AGBL4: variants seen among roughly 807,000 people sequenced by gnomAD.
AGBL4 encodes the protein cytosolic carboxypeptidase 6.
AGBL4 carries 58 observed loss-of-function variants against 66.4 expected under a neutral mutation model. The observed-to-expected ratio is 0.87, with a 90% confidence interval of 0.71 to 1.09. The LOEUF (loss-of-function observed/expected upper bound fraction) is 1.09. AGBL4 is among the 50% of genes least tolerant of loss of function. The pLI, the probability that AGBL4 is intolerant of heterozygous loss-of-function variation, is 0.00. For synonymous variants in AGBL4, 234 were observed against 222.9 expected (o/e 1.05, Z -0.44); for missense variants, 579 against 631.0 (o/e 0.92, Z 0.88).
At chr1:49,297,796 C>T (rs1644670398) in intron 3 of AGBL4, among the ~76,000 whole-genome samples, 1 of 152,142 alleles carries the variant, frequency 6.6e-6, no homozygotes, top group African/African-American at 2.4e-5. Flanking sequence ...GTCCAAGTAC[C>T]TAAGCCTATT....
chr1:49,556,542 A>T (rs1017246429), intron 3 of AGBL4, among the ~76,000 whole-genome samples: 1 of 150,874 alleles, frequency 6.6e-6, no homozygotes, highest in Non-Finnish European at 1.5e-5. Flanking sequence ...ATATAAACAA[A>T]TCTTTAGCTA....
chr1:49,834,228 G>A (rs1183724693), intron 2 of AGBL4, among the ~76,000 whole-genome samples: 1 of 151,950 alleles, frequency 6.6e-6, no homozygotes, highest in African/African-American at 2.4e-5. Flanking sequence ...TTTTTTGGTT[G>A]GTACATTATT....
intron 5 of AGBL4, among the ~76,000 whole-genome samples, chr1:48,980,044 A>C (rs1659621571): frequency 6.6e-6 from 1 of 152,162 alleles, no homozygotes; most frequent in South Asian, 2.1e-4. Context: ...AAGGTGATAC[A>C]AATATTACAT....
intron 3 of AGBL4, among the ~76,000 whole-genome samples, chr1:49,382,229 G>C (rs1644633031): frequency 6.6e-6 from 1 of 152,026 alleles, no homozygotes; most frequent in African/African-American, 2.4e-5. Flanking sequence ...ACGAGAACAA[G>C]ATAAGAAATA....
At chr1:49,149,920 G>A (rs897684788) in intron 4 of AGBL4, among the ~76,000 whole-genome samples, 6 of 151,990 alleles carry the variant, frequency 3.9e-5, no homozygotes, top group Middle Eastern at 3.2e-3. Context: ...AGATGGCTCC[G>A]GATACTTCAC....
intron 4 of AGBL4, among the ~76,000 whole-genome samples, chr1:49,220,419 C>T (rs1469014678): frequency 6.6e-6 from 1 of 152,102 alleles, no homozygotes; most frequent in Non-Finnish European, 1.5e-5. Context: ...TCCTTAACCT[C>T]TTTGAGATTC....
At chr1:49,198,745 C>T (rs763409734) in intron 4 of AGBL4, among the ~76,000 whole-genome samples, 6 of 150,624 alleles carry the variant, frequency 4.0e-5, no homozygotes, top group South Asian at 4.2e-4. Context: ...TAAAAACTTG[C>T]GTTTTTTTTT....
chr1:48,800,170 T>C (rs58069898), intron 6 of AGBL4, among the ~76,000 whole-genome samples: 88 of 152,342 alleles, frequency 5.8e-4, no homozygotes, highest in African/African-American at 2.0e-3. Flanking sequence ...ATTGTTTCAA[T>C]CTCACCATTT....
intron 1 of AGBL4, among the ~76,000 whole-genome samples, chr1:49,857,389 T>C (rs991838727): frequency 1.3e-5 from 2 of 151,982 alleles, no homozygotes; most frequent in African/African-American, 4.8e-5. Flanking sequence ...AAAATTGACA[T>C]GGAAACACAA....
intron 6 of AGBL4, among the ~76,000 whole-genome samples, chr1:48,711,008 C>G (rs1646959032): frequency 6.6e-6 from 1 of 152,208 alleles, no homozygotes; most frequent in Non-Finnish European, 1.5e-5. Flanking sequence ...TGGGACACGC[C>G]TCACTCCTGG....
rs145304593 is a variant in AGBL4, at chr1:48,535,289, T to G, written c.1365-373A>C. Among the ~76,000 whole-genome samples the G allele has an allele frequency of 3.7e-3, 563 of 152,204 alleles. 8 individuals are homozygous for G. The highest frequency in any genetic ancestry group is 0.013 in the African/African-American group (534 of 41,526). On this transcript the variant is annotated intron_variant, in intron 12 of 13. Transcript: ENST00000371839. ...CCTTTAGGCCTCTGCAGAGGCTGTT[T>G]CCTTCCCTACCTCTCTAGTCTCACC... is the stretch of plus-strand genomic sequence containing the variant.
intron 3 of AGBL4, among the ~76,000 whole-genome samples, chr1:49,413,908 T>C (rs1211368058): frequency 6.6e-6 from 1 of 152,104 alleles, no homozygotes; most frequent in Non-Finnish European, 1.5e-5. Flanking sequence ...CCTCTGTAAA[T>C]GAAGAGGATA....
intron 3 of AGBL4, among the ~76,000 whole-genome samples, chr1:49,382,671 C>T (rs942515602): frequency 6.6e-6 from 1 of 151,726 alleles, no homozygotes; most frequent in South Asian, 2.1e-4. Context: ...GAGTAATTAG[C>T]CAAGAAAAAG....
At chr1:49,657,292 A>G (rs984872071) in intron 3 of AGBL4, among the ~76,000 whole-genome samples, 2 of 152,296 alleles carry the variant, frequency 1.3e-5, no homozygotes, top group Admixed American at 6.5e-5. Flanking sequence ...TAGGAATCCA[A>G]CTTACAAGGG....
chr1:48,537,219 G>A (rs1643987593), intron 12 of AGBL4, among the ~76,000 whole-genome samples: 1 of 152,120 alleles, frequency 6.6e-6, no homozygotes, highest in Non-Finnish European at 1.5e-5. Flanking sequence ...GACCAATCTA[G>A]AGCTAAATGG....
chr1:49,372,580 A>ATCTT (rs566334117), intron 3 of AGBL4, among the ~76,000 whole-genome samples: 1 of 151,310 alleles, frequency 6.6e-6, no homozygotes, highest in Non-Finnish European at 1.5e-5. Context: ...GCCCAGTTCA[A>ATCTT]TCTTTCTTTC....
chr1:49,969,979 C>T (rs557832630), intron 1 of AGBL4, among the ~76,000 whole-genome samples: 1 of 152,172 alleles, frequency 6.6e-6, no homozygotes. Flanking sequence ...GACAAGCGTA[C>T]CAAGAATACA....
At chr1:49,749,664 CA>C (rs1343271756) in intron 2 of AGBL4, among the ~76,000 whole-genome samples, 1 of 151,954 alleles carries the variant, frequency 6.6e-6, no homozygotes, top group Non-Finnish European at 1.5e-5. Flanking sequence ...ACGGTTATAT[CA>C]AAAAAACACA....
chr1:49,188,577 C>T (rs1647057630), intron 4 of AGBL4, among the ~76,000 whole-genome samples: 2 of 152,094 alleles, frequency 1.3e-5, no homozygotes, highest in South Asian at 4.1e-4. Context: ...CCCCTAGTAG[C>T]TGAATAGTTC....
Sources: gnomAD v4.1 joint callset for allele counts (sites outside exome capture counted in the v4.1 genomes callset) on GRCh38, gnomAD v4.1.1 for gene constraint, MANE v1.5 for transcripts, NCBI Gene and HGNC (gene_info 2026-07-23, HGNC 2026-07-21) for gene names.